The following TOP1 variants were observed in gnomAD, a reference collection of about 807,000 sequenced individuals.
TOP1 encodes the protein DNA topoisomerase I.
Under a neutral mutation model 111.1 loss-of-function variants are expected in TOP1, and 10 were observed. The ratio of observed to expected loss-of-function variants is 0.09; its 90% CI spans 0.06 to 0.15. TOP1 has a LOEUF of 0.15. Among genes scored for constraint, TOP1 ranks in the 10% least tolerant of loss-of-function variants. TOP1 has a pLI of 1.00. For synonymous variants in TOP1, 271 were observed against 302.9 expected, an observed-to-expected ratio of 0.89 and a Z score of 1.10; for missense variants, 474 against 926.7, an observed-to-expected ratio of 0.51 and a Z score of 6.34.
chr20:41,051,443 T>A lies in TOP1; in HGVS notation c.59-9951T>A, dbSNP rs2033404540. On this transcript the variant is annotated intron_variant, in intron 2 of 20. Transcript: ENST00000361337. ...GATCATGGAATAGTTGATAAAACAGTCAGTATTCTGTGCTGATGACTTATC... is the reference window on the plus strand; with the variant it reads ...GATCATGGAATAGTTGATAAAACAGACAGTATTCTGTGCTGATGACTTATC... Among the ~76,000 whole-genome samples, 3 of 152,156 alleles carry A rather than the reference T, an allele frequency of 2.0e-5. No individual in the cohort carries two copies. The South Asian group carries it at 6.2e-4, about 32-fold the overall frequency.
chr20:41,055,724 A>G (rs2033462268), intron 2 of TOP1, among the ~76,000 whole-genome samples: 1 of 152,176 alleles, frequency 6.6e-6, no homozygotes, highest in East Asian at 1.9e-4. Flanking sequence ...ACTGGGTTCT[A>G]CTTCCATTTT....
At position 41,061,214 on chromosome 20, in the gene TOP1, A is replaced by C. The variant is rs1196079219; in HGVS notation, c.59-180A>C. ...AGTAACTTGTCTTGATTGTAGAAGCAGGCTAATGGGAGCTTTGTCTGGGCT... is the reference window on the plus strand; with the variant it reads ...AGTAACTTGTCTTGATTGTAGAAGCCGGCTAATGGGAGCTTTGTCTGGGCT... On this transcript the variant is annotated intron_variant, in intron 2 of 20. Transcript: ENST00000361337. The surrounding 1 kb of genome is among the most constrained non-coding windows in gnomAD (Gnocchi z 4.6). Among the ~76,000 whole-genome samples the C allele has an allele frequency of 6.6e-6, 1 of 152,174 alleles. No individual in the cohort carries two copies. The highest frequency in any genetic ancestry group is 1.9e-4 in the East Asian group (1 of 5,198).
rs750065432 is a variant in TOP1, at chr20:41,029,036, G to A, written c.-32G>A. On this transcript the variant is annotated 5_prime_UTR_variant, in exon 1 of 21. Transcript: ENST00000361337. This position sits in a 1 kb window ranked among gnomAD's most constrained non-coding sequence, Gnocchi z 6.1. ...GTCTGCGTCTCCCCCACGCCGCCTC[G>A]CCTGCCGCCGCGCTCGTCCCTCCGG... The A allele has an allele frequency of 6.5e-7, 1 of 1,542,114 alleles. No individual in the cohort carries two copies. The highest frequency in any genetic ancestry group is 8.7e-7 in the Non-Finnish European group (1 of 1,148,708).
chr20:41,112,094 T>A lies in TOP1; in HGVS notation c.1309-688T>A, dbSNP rs2034252138. Reference sequence around the variant, plus strand: ...AGTTTCTCTCAATCTCATCAAGAAATGCTTTTAAATGCAGAAGTTAGAAAA... The same window carrying A: ...AGTTTCTCTCAATCTCATCAAGAAAAGCTTTTAAATGCAGAAGTTAGAAAA... On this transcript the variant is annotated intron_variant, in intron 13 of 20. Coordinates refer to ENST00000361337, the MANE Select transcript of TOP1 (RefSeq NM_003286.4). The surrounding 1 kb of genome is among the most constrained non-coding windows in gnomAD (Gnocchi z 5.8). 6.6e-6 allele frequency among the ~76,000 whole-genome samples: 1 copy of A among 152,220 alleles called. No homozygotes were observed. The highest frequency in any genetic ancestry group is 2.4e-5 in the African/African-American group (1 of 41,468).
At chr20:41,059,809 G>A (rs1365274918) in intron 2 of TOP1, among the ~76,000 whole-genome samples, 1 of 152,144 alleles carries the variant, frequency 6.6e-6, no homozygotes, top group Non-Finnish European at 1.5e-5. Context: ...CAAAAAATTG[G>A]TAATCCAGAA....
At position 41,116,420 on chromosome 20, in the gene TOP1, C is replaced by T. The variant is rs144669580; in HGVS notation, c.1822+28C>T. 3 of 1,525,032 alleles carry T rather than the reference C, an allele frequency of 2.0e-6. No homozygotes were observed. Among genetic ancestry groups the T allele is most frequent in the African/African-American group, 1.4e-5 (1 of 73,306 alleles). 94.5% of individuals were successfully genotyped at this position (1,525,032 alleles called of 1,614,324 possible). On this transcript the variant is annotated intron_variant, in intron 17 of 20. Coordinates refer to ENST00000361337, the MANE Select transcript of TOP1 (RefSeq NM_003286.4). This position sits in a 1 kb window ranked among gnomAD's most constrained non-coding sequence, Gnocchi z 5.6. The stretch of plus-strand genomic sequence containing the variant: ...AAGTATTGCTTGGCCAGATAGGGCC[C>T]ACACCCCTACTAATGGTATCCGGTG...
intron 2 of TOP1, among the ~76,000 whole-genome samples, chr20:41,059,565 A>G (rs1239527050): frequency 6.6e-6 from 1 of 151,954 alleles, no homozygotes; most frequent in Non-Finnish European, 1.5e-5. Flanking sequence ...ACATCGTGAT[A>G]TAAGAAAATG....
intron 11 of TOP1, among the ~76,000 whole-genome samples, chr20:41,099,502 G>T (rs1329496053): frequency 6.6e-6 from 1 of 152,098 alleles, no homozygotes; most frequent in African/African-American, 2.4e-5. Flanking sequence ...TATATAAAAC[G>T]CAGAGTCAAT....
intron 13 of TOP1, among the ~76,000 whole-genome samples, chr20:41,105,885 A>G (rs1435425747): frequency 6.6e-6 from 1 of 152,192 alleles, no homozygotes; most frequent in Non-Finnish European, 1.5e-5. Flanking sequence ...TCTTGTGTAT[A>G]TGAATGAAAA....
intron 4 of TOP1, among the ~76,000 whole-genome samples, chr20:41,076,643 G>C (rs1409502508): frequency 6.6e-6 from 1 of 152,176 alleles, no homozygotes; most frequent in Non-Finnish European, 1.5e-5. Context: ...AGTGATGCTG[G>C]TGTCTTTTGT....
intron 18 of TOP1, among the ~76,000 whole-genome samples, chr20:41,120,844 C>T (rs915348060): frequency 6.6e-6 from 1 of 152,172 alleles, no homozygotes; most frequent in Non-Finnish European, 1.5e-5. Context: ...CGGGTTCATG[C>T]CATTCTACTG....
chr20:41,030,742 G>C lies in TOP1; in HGVS notation c.58+1287G>C, dbSNP rs1300931350. ...TCCAATGGGAGAAGTTGATGAGTAG[G>C]TTTTCTAATGTTGTAATCAGCAGTC... is the stretch of plus-strand genomic sequence containing the variant. On this transcript the variant is annotated intron_variant, in intron 2 of 20. Transcript: ENST00000361337. This position sits in a 1 kb window ranked among gnomAD's most constrained non-coding sequence, Gnocchi z 4.1. Among the ~76,000 whole-genome samples the C allele has an allele frequency of 3.9e-5, 6 of 152,180 alleles. No individual in the cohort carries two copies. Among genetic ancestry groups the C allele is most frequent in the African/African-American group, 1.4e-4 (6 of 41,430 alleles).
intron 2 of TOP1, among the ~76,000 whole-genome samples, chr20:41,056,280 CT>C (rs2033469736): frequency 6.6e-6 from 1 of 152,238 alleles, no homozygotes; most frequent in Non-Finnish European, 1.5e-5. Context: ...GCATCCCATT[CT>C]TTTAGTGGTT....
At chr20:41,047,747 A>G (rs1003140003) in intron 2 of TOP1, among the ~76,000 whole-genome samples, 3 of 152,174 alleles carry the variant, frequency 2.0e-5, no homozygotes. Flanking sequence ...CCTTCACAGA[A>G]AAAGTTTGCT....
At chr20:41,068,437 T>C (rs973094558) in intron 3 of TOP1, among the ~76,000 whole-genome samples, 1 of 152,196 alleles carries the variant, frequency 6.6e-6, no homozygotes, top group African/African-American at 2.4e-5. Flanking sequence ...AGTCAGGGTC[T>C]CATTGACTGC....
At position 41,101,451 on chromosome 20, in the gene TOP1, T is replaced by G; in HGVS notation, c.1308+98T>G. ...GTCCTCTAGAATCACTTTGACAAATTAAAAATCCTCCCCATTGAAAGAAGG... is the reference window on the plus strand; with the variant it reads ...GTCCTCTAGAATCACTTTGACAAATGAAAAATCCTCCCCATTGAAAGAAGG... On this transcript the variant is annotated intron_variant, in intron 13 of 20. Transcript: ENST00000361337. The surrounding 1 kb of genome is among the most constrained non-coding windows in gnomAD (Gnocchi z 4.1). The G allele has an allele frequency of 3.1e-6, 4 of 1,300,328 alleles. No individual in the cohort carries two copies. The highest frequency in any genetic ancestry group is 3.1e-6 in the Non-Finnish European group (3 of 960,532). The allele number at this position is 1,300,328 out of a possible 1,614,324, so 80.5% of individuals were successfully genotyped here. A position where few individuals can be genotyped will look rare whatever the true frequency, so the allele number is the denominator to read the frequency against.
chr20:41,121,579 T>C lies in TOP1; in HGVS notation c.1951-117T>C, dbSNP rs73909151. Reference sequence around the variant, plus strand: ...TCATGAAGCCACCCTTGTTTTTTTTTATCTGACAAACCACTGACAGAGACA... The same window carrying C: ...TCATGAAGCCACCCTTGTTTTTTTTCATCTGACAAACCACTGACAGAGACA... On this transcript the variant is annotated intron_variant, in intron 18 of 20. Coordinates refer to ENST00000361337, the MANE Select transcript of TOP1 (RefSeq NM_003286.4). The surrounding 1 kb of genome is among the most constrained non-coding windows in gnomAD (Gnocchi z 4.2). 1.3e-6 allele frequency: 1 copy of C among 786,724 alleles called. No individual in the cohort carries two copies. Among genetic ancestry groups the C allele is most frequent in the African/African-American group, 1.7e-5 (1 of 57,830 alleles). The allele number at this position is 786,724 out of a possible 1,614,324, so 48.7% of individuals were successfully genotyped here.
chr20:41,029,569 C>G lies in TOP1; in HGVS notation c.58+114C>G. On this transcript the variant is annotated intron_variant, in intron 2 of 20. Transcript: ENST00000361337. This position sits in a 1 kb window ranked among gnomAD's most constrained non-coding sequence, Gnocchi z 6.1. ...TGGCGTCCCAGAGACTAAGTCCCGG[C>G]TCCTCGCTCACCGGCCCCATTGTTC... 1 of 847,700 alleles carries G rather than the reference C, an allele frequency of 1.2e-6. No homozygotes were observed. Among genetic ancestry groups the G allele is most frequent in the Non-Finnish European group, 1.9e-6 (1 of 522,938 alleles). 52.5% of individuals were successfully genotyped at this position (847,700 alleles called of 1,614,324 possible). A position where few individuals can be genotyped will look rare whatever the true frequency, so the allele number is the denominator to read the frequency against.
At chr20:41,089,261 G>T (rs966105668) in intron 8 of TOP1, among the ~76,000 whole-genome samples, 9 of 152,044 alleles carry the variant, frequency 5.9e-5, no homozygotes, top group African/African-American at 2.2e-4. Flanking sequence ...CCAGACCTCA[G>T]ATGATCTGCC....
Sources: gnomAD v4.1 joint callset for allele counts (sites outside exome capture counted in the v4.1 genomes callset) on GRCh38, gnomAD v4.1.1 for gene constraint, Gnocchi (gnomAD v3.1) non-coding constraint, MANE v1.5 for transcripts, NCBI Gene and HGNC (gene_info 2026-07-23, HGNC 2026-07-21) for gene names.